NCAM2: variants seen among roughly 807,000 people sequenced by gnomAD.
The protein encoded by NCAM2 is neural cell adhesion molecule 2.
NCAM2 carries 30 observed loss-of-function variants against 98.1 expected under a neutral mutation model. The ratio of observed to expected loss-of-function variants is 0.31; its 90% confidence interval spans 0.23 to 0.41. The LOEUF (loss-of-function observed/expected upper bound fraction) is 0.41. NCAM2 is among the 10% of genes least tolerant of loss of function. The pLI, the probability that NCAM2 is intolerant of heterozygous loss-of-function variation, is 1.00. For missense variants in NCAM2, 867 were observed against 1,005.8 expected (o/e 0.86, Z 1.87); for synonymous variants, 368 against 342.4 (o/e 1.07, Z -0.83).
chr21:21,065,348 A>G (rs1486668614), intron 1 of NCAM2, among the ~76,000 whole-genome samples: 2 of 152,126 alleles, frequency 1.3e-5, no homozygotes, highest in South Asian at 4.2e-4. Context: ...TTTTTTTCCC[A>G]CTTGATTTAC....
chr21:21,146,593 GTA>G (rs1030904680), intron 1 of NCAM2, among the ~76,000 whole-genome samples: 4 of 146,792 alleles, frequency 2.7e-5, no homozygotes, highest in African/African-American at 5.1e-5. Context: ...TAAAATACGT[GTA>G]TGTGTGTGTG....
intron 1 of NCAM2, among the ~76,000 whole-genome samples, chr21:21,125,324 A>G (rs58451421): frequency 0.019 from 2,831 of 148,738 alleles, 85 homozygotes; most frequent in African/African-American, 0.066. Context: ...CTTCTTGGAA[A>G]CAGTTTTGAA....
intron 16 of NCAM2, among the ~76,000 whole-genome samples, chr21:21,528,559 T>A (rs994619677): frequency 1.3e-5 from 2 of 152,226 alleles, no homozygotes; most frequent in African/African-American, 4.8e-5. Flanking sequence ...TTGTAGTTTA[T>A]AATTGCTGGG....
intron 9 of NCAM2, chr21:21,385,576 T>C: frequency 8.3e-7 from 1 of 1,199,844 alleles, no homozygotes. Flanking sequence ...TAAGCCTTTT[T>C]TTGCTCAAAA....
chr21:21,397,538 C>T (rs759749424), intron 9 of NCAM2, among the ~76,000 whole-genome samples: 7 of 152,144 alleles, frequency 4.6e-5, no homozygotes, highest in East Asian at 1.9e-4. Context: ...TGGGATGGGA[C>T]GGCACCTGGG....
chr21:21,024,915 C>T (rs11909337), intron 1 of NCAM2, among the ~76,000 whole-genome samples: 4 of 151,458 alleles, frequency 2.6e-5, no homozygotes, highest in Admixed American at 6.6e-5. Context: ...GTGTACAGTA[C>T]GAAAAAAAGG....
chr21:21,209,112 C>T (rs1299575207), intron 1 of NCAM2, among the ~76,000 whole-genome samples: 7 of 150,882 alleles, frequency 4.6e-5, no homozygotes, highest in African/African-American at 9.7e-5. Context: ...CCACTCTCAG[C>T]GTCCTATTAA....
At chr21:21,010,906 A>T (rs73228165) in intron 1 of NCAM2, among the ~76,000 whole-genome samples, 1 of 152,110 alleles carries the variant, frequency 6.6e-6, no homozygotes, top group South Asian at 2.1e-4. Context: ...TCAAAGACTA[A>T]TCACTGTTTT....
At chr21:21,470,256 T>G (rs895118169) in intron 14 of NCAM2, among the ~76,000 whole-genome samples, 2 of 152,122 alleles carry the variant, frequency 1.3e-5, no homozygotes, top group Non-Finnish European at 2.9e-5. Context: ...GCCATATATT[T>G]ATGTATACAT....
intron 1 of NCAM2, among the ~76,000 whole-genome samples, chr21:21,160,371 G>A (rs2067745383): frequency 6.6e-6 from 1 of 151,692 alleles, no homozygotes; most frequent in Non-Finnish European, 1.5e-5. Flanking sequence ...TCAATACATT[G>A]CCATTGCAGG....
intron 16 of NCAM2, among the ~76,000 whole-genome samples, chr21:21,523,857 A>G (rs971571659): frequency 5.3e-5 from 8 of 152,054 alleles, no homozygotes; most frequent in African/African-American, 1.9e-4. Context: ...ACAGAAAAAT[A>G]GTGAAAGACA....
intron 1 of NCAM2, among the ~76,000 whole-genome samples, chr21:21,265,463 A>ATG (rs1456323793): frequency 7.1e-6 from 1 of 141,354 alleles, no homozygotes; most frequent in African/African-American, 2.6e-5. Context: ...TATATAATAT[A>ATG]TGTGTGTATA....
intron 1 of NCAM2, among the ~76,000 whole-genome samples, chr21:21,264,304 G>T (rs576902655): frequency 6.6e-6 from 1 of 152,060 alleles, no homozygotes; most frequent in East Asian, 1.9e-4. Flanking sequence ...AATAACATTT[G>T]ACACCAGCCA....
intron 1 of NCAM2, among the ~76,000 whole-genome samples, chr21:21,017,084 C>T (rs2064324584): frequency 6.6e-6 from 1 of 151,906 alleles, no homozygotes. Context: ...TGTAAGGAGG[C>T]TTAGGAAAAT....
intron 1 of NCAM2, among the ~76,000 whole-genome samples, chr21:21,173,207 A>G (rs2075669433): frequency 6.6e-6 from 1 of 152,156 alleles, no homozygotes; most frequent in South Asian, 2.1e-4. Flanking sequence ...GTAGAAAGAT[A>G]TCCCAGGGAA....
At chr21:21,286,481 A>T in intron 4 of NCAM2, 69 bp downstream of exon 4, 1 of 1,491,336 alleles carries the variant, frequency 6.7e-7, no homozygotes, top group Non-Finnish European at 9.1e-7. Context: ...ATCTGAATCT[A>T]TGTGTCTAGT....
chr21:21,189,506 C>T (rs1405176586), intron 1 of NCAM2, among the ~76,000 whole-genome samples: 1 of 152,004 alleles, frequency 6.6e-6, no homozygotes, highest in African/African-American at 2.4e-5. Context: ...CAGGAGGATC[C>T]CTTGAACTCA....
At chr21:21,398,635 A>C (rs1028652755) in intron 9 of NCAM2, among the ~76,000 whole-genome samples, 2 of 152,188 alleles carry the variant, frequency 1.3e-5, no homozygotes, top group Non-Finnish European at 1.5e-5. Flanking sequence ...GATCTTTAAA[A>C]GGTTTTAAGC....
chr21:21,136,411 T>A (rs550595083), intron 1 of NCAM2, among the ~76,000 whole-genome samples: 11 of 151,942 alleles, frequency 7.2e-5, no homozygotes, highest in Admixed American at 1.3e-4. Flanking sequence ...TCTGATGGAT[T>A]TATCTAAATA....
Sources: allele counts gnomAD v4.1 joint callset (sites outside exome capture counted in the v4.1 genomes callset), GRCh38; gene constraint gnomAD v4.1.1; transcripts MANE v1.5; gene names NCBI Gene and HGNC (gene_info 2026-07-23, HGNC 2026-07-21).